Variants in AP2M1 observed in about 807,000 individuals in gnomAD.
The protein encoded by AP2M1 is AP-2 complex subunit mu.
AP2M1 carries 5 observed loss-of-function variants against 54.5 expected under a neutral mutation model. The ratio of observed to expected loss-of-function variants is 0.09; its 90% CI spans 0.05 to 0.19. The LOEUF is 0.19. AP2M1 is among the 10% of genes least tolerant of loss of function. AP2M1 has a pLI of 1.00. For synonymous variants in AP2M1, 186 were observed against 208.2 expected (o/e 0.89, Z 0.92); for missense variants, 178 against 580.2 (o/e 0.31, Z 7.12).
In AP2M1 at chr3:184,183,201, C is replaced by T; in HGVS notation, c.1174-281C>T. On this transcript the variant is annotated intron_variant, in intron 11 of 11. Coordinates refer to ENST00000292807, the MANE Select transcript of AP2M1 (RefSeq NM_004068.4). The surrounding 1 kb of genome is among the most constrained non-coding windows in gnomAD (Gnocchi z 5.7). ...CGCATGTTAGACATAATTTTCTCCA[C>T]CTTATTTTTAAGTTCATAATATTGA... 1.8e-6 allele frequency: 1 copy of T among 555,610 alleles called. No individual in the cohort carries two copies. The allele number at this position is 555,610 out of a possible 1,614,324, so 34.4% of individuals were successfully genotyped here. A position where few individuals can be genotyped will look rare whatever the true frequency, so the allele number is the denominator to read the frequency against.
In AP2M1 at chr3:184,182,943, C is replaced by A; in HGVS notation, c.1173+75C>A. 8.1e-7 allele frequency: 1 copy of A among 1,229,930 alleles called. No homozygotes were observed. The highest frequency in any genetic ancestry group is 1.2e-6 in the Non-Finnish European group (1 of 845,630). 76.2% of individuals were successfully genotyped at this position (1,229,930 alleles called of 1,614,324 possible). ...TCTTAGAGATCATTCCGATAAACTGCTGCACCTTAGAGGTGAGGAAACTGA... is the reference window on the plus strand; with the variant it reads ...TCTTAGAGATCATTCCGATAAACTGATGCACCTTAGAGGTGAGGAAACTGA... On this transcript the variant is annotated intron_variant, in intron 11 of 11. Transcript: ENST00000292807. This position sits in a 1 kb window ranked among gnomAD's most constrained non-coding sequence, Gnocchi z 5.5.
At chr3:184,177,672 C>G in intron 2 of AP2M1, 2 of 1,443,816 alleles carry the variant, frequency 1.4e-6, no homozygotes, top group Non-Finnish European at 1.9e-6. Flanking sequence ...TCTCAGTAGA[C>G]CCAGAGCAGC....
rs1411043489 is a variant in AP2M1 at position 184,183,321 on chromosome 3, T to C, written c.1174-161T>C. The C allele has an allele frequency of 3.0e-5, 31 of 1,023,526 alleles. No homozygotes were observed. The highest frequency in any genetic ancestry group is 1.3e-4 in the African/African-American group (8 of 62,190). 63.4% of individuals were successfully genotyped at this position (1,023,526 alleles called of 1,614,324 possible). A position where few individuals can be genotyped will look rare whatever the true frequency, so the allele number is the denominator to read the frequency against. ...GTGTCACAGGTAGGGCTTTCTTCTT[T>C]AGTCACCTCTTAGAAGGTCCCACGC... On this transcript the variant is annotated intron_variant, in intron 11 of 11. Coordinates refer to ENST00000292807, the MANE Select transcript of AP2M1 (RefSeq NM_004068.4). The surrounding 1 kb of genome is among the most constrained non-coding windows in gnomAD (Gnocchi z 5.7).
At chr3:184,176,893 C>A in intron 1 of AP2M1, 58 bp from the exon 2 acceptor site, 1 of 1,259,064 alleles carries the variant, frequency 7.9e-7, no homozygotes, top group Non-Finnish European at 1.1e-6. Flanking sequence ...CACAGCTCCA[C>A]AGGGGATGTT....
Position 184,179,257 on chromosome 3 carries a change from C to T in AP2M1, c.340+135C>T, listed in dbSNP as rs976082786. ...TTTCCTGAGTATTTGGTCTCTTGGGCTAGGATCTCTATGCCCCTCAGAAGG... is the reference window on the plus strand; with the variant it reads ...TTTCCTGAGTATTTGGTCTCTTGGGTTAGGATCTCTATGCCCCTCAGAAGG... On this transcript the variant is annotated intron_variant, in intron 3 of 11. Transcript: ENST00000292807. The T allele has an allele frequency of 5.2e-6, 6 of 1,144,626 alleles. No individual in the cohort carries two copies. The African/African-American group carries it at 6.2e-5, about 12-fold the overall frequency. The allele number at this position is 1,144,626 out of a possible 1,614,324, so 70.9% of individuals were successfully genotyped here. A position where few individuals can be genotyped will look rare whatever the true frequency, so the allele number is the denominator to read the frequency against.
Position 184,180,342 on chromosome 3 carries a change from G to C in AP2M1, c.423+91G>C. ...GAGCCTTGTCTGAGCTGACTCATGA[G>C]CCCTCCCATGACAGGAAGTGCTGGC... On this transcript the variant is annotated intron_variant, in intron 4 of 11. Coordinates refer to ENST00000292807, the MANE Select transcript of AP2M1 (RefSeq NM_004068.4). This position sits in a 1 kb window ranked among gnomAD's most constrained non-coding sequence, Gnocchi z 4.9. 6.9e-7 allele frequency: 1 copy of C among 1,458,590 alleles called. No homozygotes were observed. Among genetic ancestry groups the C allele is most frequent in the Non-Finnish European group, 9.4e-7 (1 of 1,061,294 alleles). The allele number at this position is 1,458,590 out of a possible 1,614,324, so 90.4% of individuals were successfully genotyped here. A position where few individuals can be genotyped will look rare whatever the true frequency, so the allele number is the denominator to read the frequency against.
chr3:184,180,100 T>C lies in AP2M1; in HGVS notation c.341-69T>C. On this transcript the variant is annotated intron_variant, in intron 3 of 11. Transcript: ENST00000292807. This position sits in a 1 kb window ranked among gnomAD's most constrained non-coding sequence, Gnocchi z 4.9. ...CTTTGGGAGCTGTGCCGGTCAGATG[T>C]GTAGGCCCAAGTAGGGGCTGGAATG... is the stretch of plus-strand genomic sequence containing the variant. 1.3e-6 allele frequency: 2 copies of C among 1,491,098 alleles called. No homozygotes were observed. The highest frequency in any genetic ancestry group is 1.9e-6 in the Non-Finnish European group (2 of 1,071,424). The allele number at this position is 1,491,098 out of a possible 1,614,324, so 92.4% of individuals were successfully genotyped here.
intron 3 of AP2M1, 139 bp downstream of exon 3, chr3:184,179,261 G>A: frequency 9.0e-7 from 1 of 1,117,030 alleles, no homozygotes; most frequent in Non-Finnish European, 1.3e-6. Flanking sequence ...CTTGGGCTAG[G>A]ATCTCTATGC....
intron 3 of AP2M1, among the ~76,000 whole-genome samples, chr3:184,179,662 CTTTT>C (rs368749437): frequency 1.5e-5 from 2 of 135,092 alleles, no homozygotes; most frequent in Non-Finnish European, 1.6e-5. Context: ...GATTTCTTTT[CTTTT>C]TTTTTTTTTT....
chr3:184,179,201 G>C, intron 3 of AP2M1, 79 bp downstream of exon 3: 1 of 1,534,890 alleles, frequency 6.5e-7, no homozygotes, highest in Non-Finnish European at 8.9e-7. Context: ...GGTGGGTGTA[G>C]GTCCGAGGCT....
Position 184,183,932 on chromosome 3 carries a change from T to C in AP2M1, c.*316T>C, listed in dbSNP as rs1715356552. The C allele has an allele frequency of 3.3e-6, 1 of 302,608 alleles. No homozygotes were observed. The highest frequency in any genetic ancestry group is 6.5e-6 in the Non-Finnish European group (1 of 154,082). The allele number at this position is 302,608 out of a possible 1,614,324, so 18.7% of individuals were successfully genotyped here. On this transcript the variant is annotated 3_prime_UTR_variant, in exon 12 of 12. Coordinates refer to ENST00000292807, the MANE Select transcript of AP2M1 (RefSeq NM_004068.4). The surrounding 1 kb of genome is among the most constrained non-coding windows in gnomAD (Gnocchi z 5.7). Reference sequence around the variant, plus strand: ...CTTCCCACCCCTGTGGCCACAGCTCTGGAGTGGGAGGGTTGGTTGCCCCTC... The same window carrying C: ...CTTCCCACCCCTGTGGCCACAGCTCCGGAGTGGGAGGGTTGGTTGCCCCTC...
At chr3:184,176,470 C>T (rs1338121423) in intron 1 of AP2M1, among the ~76,000 whole-genome samples, 1 of 152,224 alleles carries the variant, frequency 6.6e-6, no homozygotes. Flanking sequence ...CTGCGACCTT[C>T]TCTGAAGGGT....
At chr3:184,177,213 G>A in intron 2 of AP2M1, 146 bp downstream of exon 2, 1 of 837,772 alleles carries the variant, frequency 1.2e-6, no homozygotes, top group Non-Finnish European at 1.8e-6. Context: ...GTGTAGCCTG[G>A]CTCCCATTAG....
In AP2M1 at chr3:184,176,922, T is replaced by G. The variant is rs1426086106; in HGVS notation, c.-43-29T>G. 9 of 1,518,010 alleles carry G rather than the reference T, an allele frequency of 5.9e-6. No individual in the cohort carries two copies. The Admixed American group carries it at 1.3e-4, about 22-fold the overall frequency. The allele number at this position is 1,518,010 out of a possible 1,614,324, so 94.0% of individuals were successfully genotyped here. A position where few individuals can be genotyped will look rare whatever the true frequency, so the allele number is the denominator to read the frequency against. ...GGATGTTGGCAGCGATTCTGAGGTCTTCTTTTACCCTGCCCCCGCCTGTCC... is the reference window on the plus strand; with the variant it reads ...GGATGTTGGCAGCGATTCTGAGGTCGTCTTTTACCCTGCCCCCGCCTGTCC... On this transcript the variant is annotated intron_variant, in intron 1 of 11. Transcript: ENST00000292807.
chr3:184,181,056 T>C lies in AP2M1; in HGVS notation c.566-29T>C. On this transcript the variant is annotated intron_variant, in intron 6 of 11. Transcript: ENST00000292807. This position sits in a 1 kb window ranked among gnomAD's most constrained non-coding sequence, Gnocchi z 5.7. ...CCTGGGCCTGCCTGCCTGACTCCGC[T>C]GCTCCCCATTTATCTGTTCCATCAC... 1 of 1,614,022 alleles carries C rather than the reference T, an allele frequency of 6.2e-7. No homozygotes were observed. The highest frequency in any genetic ancestry group is 2.2e-5 in the East Asian group (1 of 44,886).
chr3:184,181,499 C>T lies in AP2M1; in HGVS notation c.708-197C>T. ...CAGTGTGCCTGAAACACCCAGGTCC[C>T]TAGCAGAAGGAGCCCCAAGAGATGA... On this transcript the variant is annotated intron_variant, in intron 7 of 11. Transcript: ENST00000292807. The surrounding 1 kb of genome is among the most constrained non-coding windows in gnomAD (Gnocchi z 5.7). 2 of 864,816 alleles carry T rather than the reference C, an allele frequency of 2.3e-6. No homozygotes were observed. The highest frequency in any genetic ancestry group is 3.5e-6 in the Non-Finnish European group (2 of 575,180). 53.6% of individuals were successfully genotyped at this position (864,816 alleles called of 1,614,324 possible). A position where few individuals can be genotyped will look rare whatever the true frequency, so the allele number is the denominator to read the frequency against.
rs200520955 is a variant in AP2M1, at chr3:184,179,153, C to A, written c.340+31C>A. ...GCTGGCGGGCTGGCACGGCAGCGGG[C>A]GTAGGGTGGGAAAAAACCAGGCTGG... On this transcript the variant is annotated intron_variant, in intron 3 of 11. Coordinates refer to ENST00000292807, the MANE Select transcript of AP2M1 (RefSeq NM_004068.4). 1.9e-5 allele frequency: 31 copies of A among 1,604,630 alleles called. No homozygotes were observed. In the African/African-American group the frequency reaches 4.1e-4, roughly 21 times the overall value.
Position 184,183,622 on chromosome 3 carries a change from A to T in AP2M1, c.*6A>T. ...TTTATGAAACTCGCTGCTAGCTGCC[A>T]CTAGGCAGCTAGCCCACCTCCCCAG... On this transcript the variant is annotated 3_prime_UTR_variant, in exon 12 of 12. Transcript: ENST00000292807. This position sits in a 1 kb window ranked among gnomAD's most constrained non-coding sequence, Gnocchi z 5.7. 1 of 1,611,812 alleles carries T rather than the reference A, an allele frequency of 6.2e-7. No homozygotes were observed. Among genetic ancestry groups the T allele is most frequent in the South Asian group, 1.1e-5 (1 of 91,012 alleles).
Position 184,180,604 on chromosome 3 carries a change from G to C in AP2M1, c.424-41G>C, listed in dbSNP as rs764665915. ...TTTCTCCTCCTTTTCTGCCTCCCTT[G>C]CTGCTTCATGTGGGCACCTCGTTGG... On this transcript the variant is annotated intron_variant, in intron 4 of 11. Coordinates refer to ENST00000292807, the MANE Select transcript of AP2M1 (RefSeq NM_004068.4). This position sits in a 1 kb window ranked among gnomAD's most constrained non-coding sequence, Gnocchi z 4.9. 1 of 1,613,294 alleles carries C rather than the reference G, an allele frequency of 6.2e-7. No individual in the cohort carries two copies. The highest frequency in any genetic ancestry group is 8.5e-7 in the Non-Finnish European group (1 of 1,180,026).
Sources: gnomAD v4.1 joint callset for allele counts (sites outside exome capture counted in the v4.1 genomes callset) on GRCh38, gnomAD v4.1.1 for gene constraint, Gnocchi (gnomAD v3.1) non-coding constraint, MANE v1.5 for transcripts, NCBI Gene and HGNC (gene_info 2026-07-23, HGNC 2026-07-21) for gene names.